Variants in CACNA1C observed in about 807,000 individuals in gnomAD.
CACNA1C encodes the protein voltage-dependent L-type calcium channel subunit alpha-1C.
CACNA1C carries 30 observed loss-of-function variants against 229.0 expected under a neutral mutation model. The ratio of observed to expected loss-of-function variants is 0.13; its 90% CI spans 0.10 to 0.18. The LOEUF is 0.18. Ranked by LOEUF, CACNA1C falls within the 10% of genes least tolerant of loss-of-function variation. The pLI is 1.00. For synonymous variants in CACNA1C, 1,114 were observed against 1,132.5 expected, an observed-to-expected ratio of 0.98 and a Z score of 0.33; for missense variants, 1,658 against 2,845.0, an observed-to-expected ratio of 0.58 and a Z score of 9.49.
intron 3 of CACNA1C, among the ~76,000 whole-genome samples, chr12:2,300,723 G>A (rs1350118579): frequency 6.6e-6 from 1 of 152,170 alleles, no homozygotes; most frequent in Non-Finnish European, 1.5e-5. Context: ...TGAAGAACAG[G>A]AGCAGGACGA....
Position 2,504,551 on chromosome 12 carries a change from G to C in CACNA1C, c.1114-291G>C, listed in dbSNP as rs375370446. 5.4e-6 allele frequency: 8 copies of C among 1,469,410 alleles called. No homozygotes were observed. Among genetic ancestry groups the C allele is most frequent in the Non-Finnish European group, 7.6e-6 (8 of 1,049,062 alleles). 91.0% of individuals were successfully genotyped at this position (1,469,410 alleles called of 1,614,324 possible). ...GGTGTGTTGAGCGGGTAAGCTGACC[G>C]TTTCTATGTCCTCTCCACAACGCAG... On this transcript the variant is annotated intron_variant, in intron 7 of 46. Transcript: ENST00000399655. The surrounding 1 kb of genome is among the most constrained non-coding windows in gnomAD (Gnocchi z 6.8).
chr12:2,028,958 G>A (rs1433425484), intron 1 of CACNA1C, among the ~76,000 whole-genome samples: 1 of 152,172 alleles, frequency 6.6e-6, no homozygotes, highest in Non-Finnish European at 1.5e-5. Flanking sequence ...TGCCTTCTGT[G>A]TTTGGCGCTG....
chr12:2,078,721 C>T (rs1013916610), intron 1 of CACNA1C, among the ~76,000 whole-genome samples: 77 of 152,096 alleles, frequency 5.1e-4, no homozygotes, highest in Non-Finnish European at 7.6e-4. Flanking sequence ...GTCGGTGTGG[C>T]GATTCCTCAG....
At chr12:2,145,790 A>G (rs753346049) in intron 3 of CACNA1C, among the ~76,000 whole-genome samples, 6 of 151,152 alleles carry the variant, frequency 4.0e-5, no homozygotes, top group Non-Finnish European at 8.9e-5. Context: ...TCTTGCCTCA[A>G]TTTGCCTGAT....
intron 30 of CACNA1C, among the ~76,000 whole-genome samples, chr12:2,638,388 T>C (rs1187299176): frequency 6.6e-6 from 1 of 151,882 alleles, no homozygotes; most frequent in Non-Finnish European, 1.5e-5. Flanking sequence ...CCAACCTGGC[T>C]GGTGCGGACT....
chr12:2,058,039 G>A (rs1181517874), intron 1 of CACNA1C, among the ~76,000 whole-genome samples: 1 of 152,216 alleles, frequency 6.6e-6, no homozygotes, highest in Non-Finnish European at 1.5e-5. Flanking sequence ...AAGCTCAGGA[G>A]ACCCAGGTTA....
chr12:2,348,367 G>A lies in CACNA1C; in HGVS notation c.478-100609G>A, dbSNP rs559641977. On this transcript the variant is annotated intron_variant, in intron 3 of 46. Coordinates refer to ENST00000399655, the MANE Select transcript of CACNA1C (RefSeq NM_000719.7). The surrounding 1 kb of genome is among the most constrained non-coding windows in gnomAD (Gnocchi z 4.7). The stretch of plus-strand genomic sequence containing the variant: ...TGCGGGGGACTTCCCAAGAGCTCCC[G>A]GCCCACGACTGAGTCACGCGGCTTC... Among the ~76,000 whole-genome samples, 2 of 152,284 alleles carry A rather than the reference G, an allele frequency of 1.3e-5. No individual in the cohort carries two copies. Among genetic ancestry groups the A allele is most frequent in the East Asian group, 3.9e-4 (2 of 5,170 alleles).
At chr12:2,021,780 G>C (rs574357704) in intron 1 of CACNA1C, among the ~76,000 whole-genome samples, 1 of 152,258 alleles carries the variant, frequency 6.6e-6, no homozygotes, top group South Asian at 2.1e-4. Context: ...CTTCTCACAT[G>C]GCAGAAGGCA....
intron 11 of CACNA1C, among the ~76,000 whole-genome samples, chr12:2,562,715 A>G (rs569523793): frequency 2.6e-5 from 4 of 152,350 alleles, no homozygotes; most frequent in Non-Finnish European, 5.9e-5. Context: ...AAGTGCATTT[A>G]GAAATCATAA....
At chr12:2,328,131 C>T (rs1480077556) in intron 3 of CACNA1C, among the ~76,000 whole-genome samples, 1 of 152,196 alleles carries the variant, frequency 6.6e-6, no homozygotes. Context: ...CTCCTTTTCT[C>T]CCCGTGCACT....
chr12:2,422,794 C>G (rs978895660), intron 3 of CACNA1C, among the ~76,000 whole-genome samples: 2 of 152,102 alleles, frequency 1.3e-5, no homozygotes, highest in Admixed American at 1.3e-4. Context: ...TGTGGCTCAG[C>G]AAGCAAAGCC....
In CACNA1C at chr12:2,122,306, A is replaced by C. The variant is rs146386644; in HGVS notation, c.477+1876A>C. On this transcript the variant is annotated intron_variant, in intron 3 of 46. Transcript: ENST00000399655. The stretch of plus-strand genomic sequence containing the variant: ...CGAATTGTGTACTTACAGGGGGTGA[A>C]CTTTATGGTATGGTAATGATACCTC... 2.9e-3 allele frequency among the ~76,000 whole-genome samples: 439 copies of C among 152,252 alleles called. 1 individual carries two copies. The highest frequency in any genetic ancestry group is 6.8e-3 in the Middle Eastern group (2 of 294).
At chr12:2,472,323 G>A (rs938427002) in intron 5 of CACNA1C, among the ~76,000 whole-genome samples, 3 of 152,032 alleles carry the variant, frequency 2.0e-5, no homozygotes, top group Admixed American at 6.6e-5. Context: ...TATTCTCTGT[G>A]TTCCACAGAT....
chr12:2,419,694 A>C (rs533860588), intron 3 of CACNA1C, among the ~76,000 whole-genome samples: 54 of 152,322 alleles, frequency 3.5e-4, no homozygotes, highest in African/African-American at 1.3e-3. Flanking sequence ...CCCTCTAGAC[A>C]GGGGCACAAA....
intron 3 of CACNA1C, among the ~76,000 whole-genome samples, chr12:2,244,208 G>C (rs959704893): frequency 1.3e-5 from 2 of 152,228 alleles, no homozygotes; most frequent in African/African-American, 4.8e-5. Flanking sequence ...GAGTCTTTCA[G>C]CTACAGCCTT....
intron 1 of CACNA1C, among the ~76,000 whole-genome samples, chr12:2,068,536 T>A (rs1402592040): frequency 1.3e-5 from 2 of 152,252 alleles, no homozygotes; most frequent in African/African-American, 4.8e-5. Flanking sequence ...AGTTGTTGAC[T>A]TCTCATAGAT....
intron 29 of CACNA1C, among the ~76,000 whole-genome samples, chr12:2,618,002 T>C (rs2081470101): frequency 6.6e-6 from 1 of 152,224 alleles, no homozygotes; most frequent in Non-Finnish European, 1.5e-5. Flanking sequence ...CTGTGGTCCC[T>C]CCTCCAGCCA....
intron 3 of CACNA1C, among the ~76,000 whole-genome samples, chr12:2,448,752 A>G (rs553532931): frequency 4.1e-5 from 5 of 120,890 alleles, no homozygotes; most frequent in South Asian, 2.7e-4. Flanking sequence ...TCATGGGGGA[A>G]CTTTGATGCA....
chr12:2,152,156 A>G lies in CACNA1C; in HGVS notation c.477+31726A>G, dbSNP rs1463431323. On this transcript the variant is annotated intron_variant, in intron 3 of 46. Transcript: ENST00000399655. This position sits in a 1 kb window ranked among gnomAD's most constrained non-coding sequence, Gnocchi z 4.2. ...CAATGGACCACATTATGGCATGCAC[A>G]TTAATGTAGGGATTGTTCATACAAA... is the stretch of plus-strand genomic sequence containing the variant. Among the ~76,000 whole-genome samples the G allele has an allele frequency of 6.6e-6, 1 of 152,236 alleles. No individual in the cohort carries two copies. The highest frequency in any genetic ancestry group is 1.5e-5 in the Non-Finnish European group (1 of 68,034).
Sources: gnomAD v4.1 joint callset for allele counts (sites outside exome capture counted in the v4.1 genomes callset) on GRCh38, gnomAD v4.1.1 for gene constraint, Gnocchi (gnomAD v3.1) non-coding constraint, MANE v1.5 for transcripts, NCBI Gene and HGNC (gene_info 2026-07-23, HGNC 2026-07-21) for gene names.